The following RORA variants were observed in gnomAD, a reference collection of about 807,000 sequenced individuals.
RORA encodes the protein nuclear receptor ROR-alpha.
In RORA, 7 loss-of-function variants were observed where a neutral mutation model predicts 69.5. That is an observed-to-expected ratio of 0.10 (90% CI 0.06 to 0.19). The LOEUF (loss-of-function observed/expected upper bound fraction) is 0.19, where lower values mean the gene tolerates loss of function less well. RORA is among the 10% of genes least tolerant of loss of function. RORA has a pLI of 1.00. For missense variants in RORA, 457 were observed against 663.0 expected, an observed-to-expected ratio of 0.69 and a Z score of 3.41; for synonymous variants, 261 against 240.8, an observed-to-expected ratio of 1.08 and a Z score of -0.78.
chr15:60,549,540 A>G (rs1339509904), intron 2 of RORA, among the ~76,000 whole-genome samples: 6 of 152,232 alleles, frequency 3.9e-5, no homozygotes, highest in East Asian at 3.8e-4. Context: ...TACTTCTTAC[A>G]GTGGTAGTAT....
intron 1 of RORA, among the ~76,000 whole-genome samples, chr15:60,876,504 A>G (rs1425922130): frequency 6.6e-6 from 1 of 152,178 alleles, no homozygotes; most frequent in Non-Finnish European, 1.5e-5. Flanking sequence ...ATGCCCATAC[A>G]CATCAACCTT....
intron 1 of RORA, among the ~76,000 whole-genome samples, chr15:61,115,775 T>C (rs998432457): frequency 2.6e-5 from 4 of 152,112 alleles, no homozygotes; most frequent in Non-Finnish European, 5.9e-5. Context: ...CAGAACTAAA[T>C]GATCCAGTAA....
chr15:60,907,592 A>G (rs998593727), intron 1 of RORA, among the ~76,000 whole-genome samples: 5 of 152,188 alleles, frequency 3.3e-5, no homozygotes, highest in African/African-American at 9.7e-5. Flanking sequence ...TAACACAGCA[A>G]TACTTTCTCA....
intron 2 of RORA, chr15:60,615,056 C>A: frequency 6.3e-7 from 1 of 1,596,078 alleles, no homozygotes; most frequent in Non-Finnish European, 8.6e-7. Flanking sequence ...CAGCGTCAAC[C>A]CACACACAGC....
chr15:61,188,621 T>C (rs112754085), intron 1 of RORA, among the ~76,000 whole-genome samples: 1 of 152,068 alleles, frequency 6.6e-6, no homozygotes, highest in Non-Finnish European at 1.5e-5. Flanking sequence ...AACTAGGAAA[T>C]AATCATTAAT....
chr15:61,030,711 A>G (rs944995384), intron 1 of RORA, among the ~76,000 whole-genome samples: 1 of 152,180 alleles, frequency 6.6e-6, no homozygotes, highest in African/African-American at 2.4e-5. Context: ...TTTTAAGCAC[A>G]TTCGAGAACT....
intron 2 of RORA, among the ~76,000 whole-genome samples, chr15:60,625,104 AT>A (rs2140636100): frequency 6.6e-6 from 1 of 152,296 alleles, no homozygotes; most frequent in East Asian, 1.9e-4. Flanking sequence ...AAATAATTAG[AT>A]TAAAGCTTTT....
At chr15:60,619,541 T>C (rs1045371409) in intron 2 of RORA, among the ~76,000 whole-genome samples, 1 of 152,202 alleles carries the variant, frequency 6.6e-6, no homozygotes. Flanking sequence ...TCATAACATA[T>C]AAGTCAACTG....
At chr15:61,169,501 C>A (rs895111837) in intron 1 of RORA, among the ~76,000 whole-genome samples, 1 of 151,856 alleles carries the variant, frequency 6.6e-6, no homozygotes, top group Admixed American at 6.6e-5. Context: ...AGTGGTACCC[C>A]CTCTCTGCCT....
chr15:61,184,057 T>G (rs2079715385), intron 1 of RORA, among the ~76,000 whole-genome samples: 1 of 152,194 alleles, frequency 6.6e-6, no homozygotes, highest in South Asian at 2.1e-4. Context: ...CCAGTTCCCA[T>G]GTCCACAGAA....
intron 1 of RORA, among the ~76,000 whole-genome samples, chr15:60,710,535 A>G (rs887278118): frequency 6.6e-6 from 1 of 152,182 alleles, no homozygotes; most frequent in East Asian, 1.9e-4. Flanking sequence ...TAGAACAGAC[A>G]ATGCTGCCAC....
intron 1 of RORA, among the ~76,000 whole-genome samples, chr15:60,815,920 G>C (rs2072804063): frequency 7.1e-6 from 1 of 140,880 alleles, no homozygotes; most frequent in Non-Finnish European, 1.5e-5. Context: ...ATAAACTATA[G>C]TGTATATATA....
rs375441366 is a variant in RORA, at chr15:60,505,642, C to T, written c.821-13G>A. 6.8e-6 allele frequency: 11 copies of T among 1,610,618 alleles called. No homozygotes were observed. Among genetic ancestry groups the T allele is most frequent in the South Asian group, 3.3e-5 (3 of 90,460 alleles). ...TGTGCAAGGTGTTCTAAGGAGAAAA[C>T]GGGAGATCACAAACACGAAAAGCGA... On this transcript the variant is annotated splice_polypyrimidine_tract_variant and intron_variant, in intron 5 of 10. Transcript: ENST00000335670.
At chr15:60,838,431 C>T (rs2073147625) in intron 1 of RORA, among the ~76,000 whole-genome samples, 1 of 152,172 alleles carries the variant, frequency 6.6e-6, no homozygotes, top group African/African-American at 2.4e-5. Flanking sequence ...TGAGGGTATG[C>T]TGTCCAAGCA....
intron 1 of RORA, among the ~76,000 whole-genome samples, chr15:60,720,420 AGACTGTCCAATAAAAATACTG>A (rs1357989320): frequency 1.2e-4 from 18 of 152,368 alleles, no homozygotes; most frequent in African/African-American, 4.3e-4. Flanking sequence ...TGAAAAACCC[AGACTGTCCAATAAAAATACTG>A]GAACGAACCC....
At chr15:60,528,896 A>G (rs999775327) in intron 3 of RORA, 4 of 152,192 alleles carry the variant, frequency 2.6e-5, no homozygotes, top group Non-Finnish European at 5.9e-5. Flanking sequence ...TGGGATTTCA[A>G]CTCGGGCAGT....
intron 1 of RORA, among the ~76,000 whole-genome samples, chr15:60,819,746 G>GAC (rs59044853): frequency 0.046 from 5,471 of 119,238 alleles, 144 homozygotes; most frequent in Middle Eastern, 0.053. Context: ...GTCAAACCCA[G>GAC]ACACACACAC....
chr15:61,075,477 C>T (rs910935882), intron 1 of RORA, among the ~76,000 whole-genome samples: 1 of 152,162 alleles, frequency 6.6e-6, no homozygotes, highest in Non-Finnish European at 1.5e-5. Context: ...TTTGCTCCCC[C>T]CATTAGTCTG....
intron 1 of RORA, among the ~76,000 whole-genome samples, chr15:60,823,503 C>G (rs978921045): frequency 6.6e-6 from 1 of 152,198 alleles, no homozygotes; most frequent in African/African-American, 2.4e-5. Flanking sequence ...TGTTGTGTTA[C>G]TCAGCACACC....
Sources: gnomAD v4.1 joint callset for allele counts (sites outside exome capture counted in the v4.1 genomes callset) on GRCh38, gnomAD v4.1.1 for gene constraint, MANE v1.5 for transcripts, NCBI Gene and HGNC (gene_info 2026-07-23, HGNC 2026-07-21) for gene names.